Variants in RECQL observed in about 807,000 individuals in gnomAD.
The protein encoded by RECQL is RecQ like helicase.
Under a neutral mutation model 75.8 loss-of-function variants are expected in RECQL, and 73 were observed. The observed-to-expected ratio is 0.96, with a 90% CI of 0.80 to 1.17. RECQL has a LOEUF of 1.17. Ranked by LOEUF, RECQL falls within the 50% of genes most tolerant of loss-of-function variation. The probability of loss-of-function intolerance (pLI) is 0.00; values close to 1 mark genes in which losing one functional copy is unlikely to be tolerated. For missense variants in RECQL, 699 were observed against 772.1 expected (o/e 0.91, Z 1.12); for synonymous variants, 248 against 254.4 (o/e 0.97, Z 0.24).
rs1354234142 is a variant in RECQL at position 21,498,213 on chromosome 12, G to T, written c.16+1342C>A. 6.6e-5 allele frequency among the ~76,000 whole-genome samples: 10 copies of T among 152,294 alleles called. No homozygotes were observed. In the East Asian group the frequency reaches 1.9e-3, roughly 29 times the overall value. ...GCTAGCCTGAGAAAATAATGGAGTG[G>T]CATTTTGCAGACTCAATTATGCTGC... On this transcript the variant is annotated intron_variant, in intron 2 of 14. Transcript: ENST00000444129.
chr12:21,499,516 G>C, intron 2 of RECQL, 39 bp downstream of exon 2: 1 of 1,515,980 alleles, frequency 6.6e-7, no homozygotes. Context: ...AACAGAAATA[G>C]AACAGAAGGA....
intron 5 of RECQL, among the ~76,000 whole-genome samples, chr12:21,485,996 G>A (rs560529077): frequency 2.0e-4 from 30 of 152,220 alleles, no homozygotes; most frequent in African/African-American, 7.2e-4. Context: ...TAATTACACT[G>A]CATAATTAGC....
intron 6 of RECQL, among the ~76,000 whole-genome samples, chr12:21,478,562 C>G (rs74069240): frequency 1.3e-5 from 2 of 152,106 alleles, no homozygotes; most frequent in Non-Finnish European, 2.9e-5. Context: ...TAGGAAGAGA[C>G]GAACATCACG....
intron 6 of RECQL, among the ~76,000 whole-genome samples, chr12:21,478,609 A>G (rs942366088): frequency 8.5e-5 from 13 of 152,216 alleles, no homozygotes; most frequent in African/African-American, 9.6e-5. Flanking sequence ...ATACACTGAC[A>G]TGAAATTAGT....
At chr12:21,486,047 G>T (rs1469527636) in intron 5 of RECQL, among the ~76,000 whole-genome samples, 2 of 152,192 alleles carry the variant, frequency 1.3e-5, no homozygotes, top group East Asian at 3.9e-4. Flanking sequence ...TACAAAACAG[G>T]TCAGCAAATG....
rs576631435 is a variant in RECQL at position 21,475,593 on chromosome 12, A to C, written c.1099-8T>G. The C allele has an allele frequency of 6.2e-7, 1 of 1,609,192 alleles. No individual in the cohort carries two copies. The highest frequency in any genetic ancestry group is 2.2e-5 in the East Asian group (1 of 44,784). ...AACAGTTGCCACTACTACCTGAAAT[A>C]TTTTAACATTTTATCAGTTAATTAA... On this transcript the variant is annotated splice_polypyrimidine_tract_variant and splice_region_variant and intron_variant, in intron 9 of 14. Transcript: ENST00000444129.
chr12:21,494,033 G>A (rs540326483), intron 2 of RECQL, among the ~76,000 whole-genome samples: 1 of 152,304 alleles, frequency 6.6e-6, no homozygotes, highest in South Asian at 2.1e-4. Flanking sequence ...TATACAAGGA[G>A]CATAGCGCTG....
intron 6 of RECQL, among the ~76,000 whole-genome samples, chr12:21,481,833 C>T (rs1419080165): frequency 1.3e-5 from 2 of 151,826 alleles, no homozygotes; most frequent in East Asian, 3.9e-4. Context: ...CACTGCTGTA[C>T]AGTAACCAAG....
intron 2 of RECQL, among the ~76,000 whole-genome samples, chr12:21,493,260 G>T (rs1419555722): frequency 6.6e-6 from 1 of 152,192 alleles, no homozygotes; most frequent in Non-Finnish European, 1.5e-5. Flanking sequence ...ATGTCATCAT[G>T]CAGTGAAAAA....
chr12:21,499,516 G>T (rs767733236), intron 2 of RECQL, 39 bp downstream of exon 2: 1 of 1,515,978 alleles, frequency 6.6e-7, no homozygotes, highest in Non-Finnish European at 8.9e-7. Flanking sequence ...AACAGAAATA[G>T]AACAGAAGGA....
At position 21,501,416 on chromosome 12, in the gene RECQL, T is replaced by C; in HGVS notation, c.-292A>G. ...GGATGAAACAAAAAGCGCACACCCT[T>C]GACCCTTCAAAGCTGTAACAGTAGT... On this transcript the variant is annotated 5_prime_UTR_variant, in exon 1 of 15. Transcript: ENST00000444129. 1 of 156,818 alleles carries C rather than the reference T, an allele frequency of 6.4e-6. No homozygotes were observed. The highest frequency in any genetic ancestry group is 6.5e-5 in the Admixed American group (1 of 15,498). The allele number at this position is 156,818 out of a possible 1,614,324, so 9.7% of individuals were successfully genotyped here.
rs776612370 is a variant in RECQL at position 21,475,746 on chromosome 12, G to A, written c.1028C>T (p.Ala343Val). 1 of 1,613,358 alleles carries A rather than the reference G, an allele frequency of 6.2e-7. No individual in the cohort carries two copies. The highest frequency in any genetic ancestry group is 8.5e-7 in the Non-Finnish European group (1 of 1,179,490). ...TTCTGGCTCCAAATTGGCATGGTAAGCACCTGCATGAATTCCCAGATTCTG... is the reference window on the plus strand; with the variant it reads ...TTCTGGCTCCAAATTGGCATGGTAAACACCTGCATGAATTCCCAGATTCTG... ...SLQNLGIHAG[A>V]YHANLEPEDK... is the part of the protein sequence containing the mutation. The change falls in exon 9 of 15, where the codon GCT becomes GTT. Residue 343 changes from alanine (A) to valine (V), a missense_variant. Around this residue, in one of 2 missense-constraint regions of RECQL, gnomAD observed 669 missense variants for 713.5 expected, o/e 0.94. Coordinates refer to ENST00000444129, the MANE Select transcript of RECQL (RefSeq NM_002907.4).
chr12:21,477,692 TA>T, intron 7 of RECQL, 110 bp downstream of exon 7: 1 of 790,902 alleles, frequency 1.3e-6, no homozygotes, highest in Non-Finnish European at 1.9e-6. Flanking sequence ...CTCCTAATGT[TA>T]AAAATTTTTG....
At position 21,499,565 on chromosome 12, in the gene RECQL, C is replaced by T. The variant is rs369723830; in HGVS notation, c.6G>A (p.Ala2=). 2.3e-5 allele frequency: 37 copies of T among 1,593,038 alleles called. No individual in the cohort carries two copies. The highest frequency in any genetic ancestry group is 1.8e-4 in the African/African-American group (13 of 73,922). Residue 2 remains alanine, a synonymous_variant, in exon 2 of 15, where the codon GCG becomes GCA. Coordinates refer to ENST00000444129, the MANE Select transcript of RECQL (RefSeq NM_002907.4). Reference sequence around the variant, plus strand: ...ATCATTGCTACTAACCTGAAACGGACGCCATTCTTTTTCTTTCCAAATTTG... The same window carrying T: ...ATCATTGCTACTAACCTGAAACGGATGCCATTCTTTTTCTTTCCAAATTTG... The part of the protein sequence containing the change: M[A]SVSALTEELD...
Position 21,495,564 on chromosome 12 carries a change from C to T in RECQL, c.17-3848G>A, listed in dbSNP as rs569681856. On this transcript the variant is annotated intron_variant, in intron 2 of 14. Transcript: ENST00000444129. ...GAGCTGAGATCACACCACTGTACTC[C>T]AGCCTGGGTGACAGAGTGAGACTCC... Among the ~76,000 whole-genome samples the T allele has an allele frequency of 2.9e-4, 44 of 151,966 alleles. 1 individual carries two copies. The South Asian group carries it at 3.3e-3, about 11-fold the overall frequency.
intron 8 of RECQL, 103 bp downstream of exon 8, chr12:21,476,807 AT>A (rs537129509): frequency 6.4e-4 from 364 of 569,432 alleles, no homozygotes; most frequent in African/African-American, 3.1e-3. Flanking sequence ...CTATACATTA[AT>A]TTTTTTTGGT....
chr12:21,496,747 A>T (rs1943515657), intron 2 of RECQL, among the ~76,000 whole-genome samples: 1 of 152,324 alleles, frequency 6.6e-6, no homozygotes, highest in Non-Finnish European at 1.5e-5. Context: ...GGCCCCTCCT[A>T]TTACTAAGAG....
chr12:21,488,110 T>C (rs74887844), intron 4 of RECQL, among the ~76,000 whole-genome samples: 4,556 of 152,314 alleles, frequency 0.03, 97 homozygotes, highest in Middle Eastern at 0.058. Context: ...ACCATTGCTA[T>C]TTGGTCTCCA....
At chr12:21,486,336 C>A in intron 5 of RECQL, 143 bp downstream of exon 5, 2 of 1,037,788 alleles carry the variant, frequency 1.9e-6, no homozygotes, top group Non-Finnish European at 2.6e-6. Flanking sequence ...AGACAGTGGG[C>A]CAGAACTGGC....
Sources: allele counts gnomAD v4.1 joint callset (sites outside exome capture counted in the v4.1 genomes callset), GRCh38; gene constraint gnomAD v4.1.1; regional missense constraint gnomAD v4.1.1; transcripts MANE v1.5; gene names NCBI Gene and HGNC (gene_info 2026-07-23, HGNC 2026-07-21).